Variants in DLG2 observed in about 807,000 individuals in gnomAD.
DLG2 encodes the protein discs large MAGUK scaffold protein 2.
A neutral mutation model predicts 132.5 loss-of-function variants in DLG2; 45 were observed. The ratio of observed to expected loss-of-function variants is 0.34; its 90% CI spans 0.27 to 0.44. DLG2 has a LOEUF of 0.44. DLG2 is among the 20% of genes least tolerant of loss of function. The pLI is 1.00. For missense variants in DLG2, 1,045 were observed against 1,196.9 expected (o/e 0.87, Z 1.87); for synonymous variants, 424 against 419.6 (o/e 1.01, Z -0.13).
intron 7 of DLG2, among the ~76,000 whole-genome samples, chr11:84,357,577 C>G (rs1337078411): frequency 1.3e-5 from 2 of 151,968 alleles, no homozygotes; most frequent in Non-Finnish European, 2.9e-5. Flanking sequence ...CTCAGGATTA[C>G]TTGTTGAATG....
In DLG2 at chr11:83,857,162, A is replaced by G. The variant is rs1425530408; in HGVS notation, c.1565+17258T>C. ...CTGTGGTCTTATTTCTGGGTTCTCT[A>G]TTCTGTTCCATTGGTCTATGTGTCT... On this transcript the variant is annotated intron_variant, in intron 16 of 27. Coordinates refer to ENST00000376104, the MANE Select transcript of DLG2 (RefSeq NM_001142699.3). Among the ~76,000 whole-genome samples the G allele has an allele frequency of 2.0e-5, 3 of 152,014 alleles. 1 individual carries two copies. The highest frequency in any genetic ancestry group is 4.1e-4 in the South Asian group (2 of 4,824).
At chr11:85,032,965 A>G (rs1593000131) in intron 6 of DLG2, among the ~76,000 whole-genome samples, 1 of 152,218 alleles carries the variant, frequency 6.6e-6, no homozygotes, top group East Asian at 1.9e-4. Flanking sequence ...ACATGCCAAT[A>G]AGTGAGACAA....
intron 3 of DLG2, among the ~76,000 whole-genome samples, chr11:85,394,281 G>A (rs756137624): frequency 6.6e-6 from 1 of 152,052 alleles, no homozygotes; most frequent in Non-Finnish European, 1.5e-5. Flanking sequence ...CACATCATGT[G>A]GTACACCATA....
chr11:83,874,283 G>GGAAGGAAGGGAGGAAGGAAGGAAA, intron 16 of DLG2, 137 bp downstream of exon 16: 1 of 450,118 alleles, frequency 2.2e-6, no homozygotes, highest in South Asian at 9.6e-5. Context: ...AAGGGGAGAA[G>GGAAGGAAGGGAGGAAGGAAGGAAA]GAAGGAAGGG....
chr11:84,306,516 G>A (rs564802659), intron 7 of DLG2, among the ~76,000 whole-genome samples: 32 of 152,248 alleles, frequency 2.1e-4, no homozygotes, highest in African/African-American at 6.7e-4. Context: ...CTTGATTTTC[G>A]CGGAGTTATA....
intron 18 of DLG2, among the ~76,000 whole-genome samples, chr11:83,774,929 C>T (rs1018575805): frequency 6.6e-6 from 1 of 152,104 alleles, no homozygotes; most frequent in Non-Finnish European, 1.5e-5. Context: ...GAGCCCTCTG[C>T]TTGCCTTTAT....
At chr11:85,374,796 G>C (rs1256209321) in intron 3 of DLG2, among the ~76,000 whole-genome samples, 1 of 151,894 alleles carries the variant, frequency 6.6e-6, no homozygotes, top group Non-Finnish European at 1.5e-5. Context: ...CAAATGAAAA[G>C]AAAACCAAAA....
chr11:84,705,409 T>C (rs1021995230), intron 6 of DLG2, among the ~76,000 whole-genome samples: 1 of 151,726 alleles, frequency 6.6e-6, no homozygotes, highest in East Asian at 1.9e-4. Context: ...ACCAGTTCTA[T>C]TGCAAATCAT....
chr11:85,555,810 G>A (rs540755993), intron 3 of DLG2, among the ~76,000 whole-genome samples: 13 of 151,952 alleles, frequency 8.6e-5, no homozygotes, highest in African/African-American at 3.1e-4. Context: ...CTCCCTCAGA[G>A]ATGAGAGGAA....
intron 3 of DLG2, among the ~76,000 whole-genome samples, chr11:85,482,602 C>A (rs756305462): frequency 7.2e-5 from 11 of 152,154 alleles, no homozygotes; most frequent in Non-Finnish European, 1.5e-4. Flanking sequence ...GCCTCTAAGG[C>A]AATACCAGCA....
At chr11:85,500,545 AAAAAT>A (rs1320533164) in intron 3 of DLG2, among the ~76,000 whole-genome samples, 4 of 40,692 alleles carry the variant, frequency 9.8e-5, no homozygotes, top group Non-Finnish European at 2.5e-4. Context: ...GTATAATAAA[AAAAAT>A]AAAAATAAAA....
chr11:84,656,394 A>C (rs1169854941), intron 6 of DLG2, among the ~76,000 whole-genome samples: 1 of 152,214 alleles, frequency 6.6e-6, no homozygotes, highest in African/African-American at 2.4e-5. Context: ...TACTCAGTAT[A>C]TTAAAAATGT....
chr11:84,376,026 C>A (rs1486213462), intron 7 of DLG2, among the ~76,000 whole-genome samples: 1 of 151,804 alleles, frequency 6.6e-6, no homozygotes, highest in Non-Finnish European at 1.5e-5. Flanking sequence ...TTTTTTTCCA[C>A]GTAATAAGAT....
At chr11:84,737,786 G>A (rs1030960845) in intron 6 of DLG2, among the ~76,000 whole-genome samples, 1 of 151,964 alleles carries the variant, frequency 6.6e-6, no homozygotes, top group Non-Finnish European at 1.5e-5. Flanking sequence ...GAACATCTTA[G>A]AAAGTGAGTG....
At chr11:83,631,491 T>C (rs1179318976) in intron 19 of DLG2, 1 of 152,136 alleles carries the variant, frequency 6.6e-6, no homozygotes, top group Non-Finnish European at 1.5e-5. Context: ...TCTCCAACCA[T>C]TACTTTGTTA....
chr11:84,408,822 T>A (rs149904805), intron 7 of DLG2, among the ~76,000 whole-genome samples: 2 of 152,266 alleles, frequency 1.3e-5, no homozygotes, highest in Admixed American at 6.5e-5. Context: ...ATTTTACAAC[T>A]CAGCATTTTC....
chr11:84,765,340 A>G (rs1264595760), intron 6 of DLG2, among the ~76,000 whole-genome samples: 1 of 152,082 alleles, frequency 6.6e-6, no homozygotes, highest in Non-Finnish European at 1.5e-5. Context: ...GGGACAAACT[A>G]CTAATGACAT....
At chr11:83,520,205 C>T (rs1290506543) in intron 21 of DLG2, among the ~76,000 whole-genome samples, 1 of 152,182 alleles carries the variant, frequency 6.6e-6, no homozygotes, top group Admixed American at 6.5e-5. Context: ...GATAGGCTTT[C>T]ACTTATATTG....
At chr11:85,497,681 A>G (rs910914497) in intron 3 of DLG2, among the ~76,000 whole-genome samples, 1 of 152,104 alleles carries the variant, frequency 6.6e-6, no homozygotes, top group Non-Finnish European at 1.5e-5. Context: ...ACCAGAGAGA[A>G]AGGTCAGGTT....
Sources: gnomAD v4.1 joint callset for allele counts (sites outside exome capture counted in the v4.1 genomes callset) on GRCh38, gnomAD v4.1.1 for gene constraint, MANE v1.5 for transcripts, NCBI Gene and HGNC (gene_info 2026-07-23, HGNC 2026-07-21) for gene names.